Variants in PTK2B observed in about 807,000 individuals in gnomAD.
The protein encoded by PTK2B is protein-tyrosine kinase 2-beta.
A neutral mutation model predicts 142.9 loss-of-function variants in PTK2B; 71 were observed. The ratio of observed to expected loss-of-function variants is 0.50; its 90% CI spans 0.41 to 0.61. The LOEUF (loss-of-function observed/expected upper bound fraction) is 0.61. PTK2B is among the 20% of genes least tolerant of loss of function. The probability of loss-of-function intolerance (pLI) is 0.00; values close to 1 mark genes in which losing one functional copy is unlikely to be tolerated. For synonymous variants in PTK2B, 519 were observed against 503.4 expected (o/e 1.03, Z -0.42); for missense variants, 1,105 against 1,320.4 (o/e 0.84, Z 2.53).
intron 2 of PTK2B, among the ~76,000 whole-genome samples, chr8:27,408,490 A>G (rs1283094146): frequency 6.6e-6 from 1 of 152,268 alleles, no homozygotes; most frequent in African/African-American, 2.4e-5. Flanking sequence ...AAACCTAAGC[A>G]TAAAAATGGA....
At chr8:27,334,944 T>C (rs1433876820) in intron 1 of PTK2B, among the ~76,000 whole-genome samples, 1 of 152,194 alleles carries the variant, frequency 6.6e-6, no homozygotes, top group African/African-American at 2.4e-5. Context: ...CTCTCTAATC[T>C]CTGTGAGTCT....
At chr8:27,355,345 C>G (rs1563214971) in intron 1 of PTK2B, among the ~76,000 whole-genome samples, 1 of 151,968 alleles carries the variant, frequency 6.6e-6, no homozygotes, top group Non-Finnish European at 1.5e-5. Flanking sequence ...AGAAGAGAGA[C>G]AAGAGAGAGA....
At chr8:27,311,131 G>C (rs776598486), upstream of PTK2B, 2 of 1,602,624 alleles carry the variant, frequency 1.2e-6, no homozygotes, top group Admixed American at 3.4e-5. Flanking sequence ...TGTGGCCGCA[G>C]CGCAGAGTGA....
intron 1 of PTK2B, among the ~76,000 whole-genome samples, chr8:27,341,878 G>C (rs766516345): frequency 6.6e-6 from 1 of 152,054 alleles, no homozygotes; most frequent in African/African-American, 2.4e-5. Flanking sequence ...GTCTTGCTCT[G>C]TTGCCCAGGC....
At chr8:27,408,862 A>G (rs1268063079) in intron 2 of PTK2B, among the ~76,000 whole-genome samples, 1 of 152,222 alleles carries the variant, frequency 6.6e-6, no homozygotes, top group Non-Finnish European at 1.5e-5. Context: ...GTGATGTGAA[A>G]CAACAGAAAG....
In PTK2B at chr8:27,387,326, G is replaced by A. The variant is rs778087309; in HGVS notation, c.-37-10222G>A. ...GCAGCCTGCCTTGGGAGATATCAGT[G>A]AGGTAGCAAGGGTGCAAATGCTATG... On this transcript the variant is annotated intron_variant, in intron 1 of 30. Coordinates refer to ENST00000346049, the MANE Select transcript of PTK2B (RefSeq NM_173176.3). Among the ~76,000 whole-genome samples, 104 of 152,288 alleles carry A rather than the reference G, an allele frequency of 6.8e-4. 2 individuals carry two copies. Among genetic ancestry groups the A allele is most frequent in the Middle Eastern group, 3.4e-3 (1 of 294 alleles).
intron 1 of PTK2B, among the ~76,000 whole-genome samples, chr8:27,333,588 G>T (rs1049781515): frequency 4.6e-5 from 7 of 152,178 alleles, no homozygotes; most frequent in African/African-American, 1.7e-4. Flanking sequence ...GTTCTTTGAT[G>T]AATTTGAGAG....
At chr8:27,350,167 G>A (rs1347024593) in intron 1 of PTK2B, among the ~76,000 whole-genome samples, 1 of 152,184 alleles carries the variant, frequency 6.6e-6, no homozygotes, top group Non-Finnish European at 1.5e-5. Context: ...ATACTTCCAT[G>A]GTGGCTGTGT....
chr8:27,458,545 C>T lies in PTK2B; in HGVS notation c.*36C>T. ...GGGCCACCTGCCTGCGTCTTCCGCC[C>T]CTGCCTGCCATGTACCTCCCCTGCC... On this transcript the variant is annotated 3_prime_UTR_variant, in exon 31 of 31. Coordinates refer to ENST00000346049, the MANE Select transcript of PTK2B (RefSeq NM_173176.3). 1.3e-6 allele frequency: 2 copies of T among 1,541,848 alleles called. No homozygotes were observed. The highest frequency in any genetic ancestry group is 1.8e-6 in the Non-Finnish European group (2 of 1,141,820).
At chr8:27,346,866 T>C (rs1188826989) in intron 1 of PTK2B, among the ~76,000 whole-genome samples, 3 of 152,258 alleles carry the variant, frequency 2.0e-5, no homozygotes, top group African/African-American at 7.2e-5. Context: ...AAGCTCACGC[T>C]CCTTTGGTGC....
At chr8:27,431,619 G>A (rs892681749) in intron 9 of PTK2B, 147 bp downstream of exon 9, 2 of 968,382 alleles carry the variant, frequency 2.1e-6, no homozygotes, top group Non-Finnish European at 3.0e-6. Context: ...GGCGTGAGCA[G>A]CAGTGGAGAG....
intron 5 of PTK2B, among the ~76,000 whole-genome samples, chr8:27,426,066 TA>T (rs1810062969): frequency 6.6e-6 from 1 of 151,554 alleles, no homozygotes; most frequent in African/African-American, 2.4e-5. Flanking sequence ...AGCAGAGCCC[TA>T]AAACAACAGC....
Position 27,433,533 on chromosome 8 carries a change from C to T in PTK2B, c.1086C>T (p.Leu362=). The T allele has an allele frequency of 1.2e-6, 2 of 1,613,878 alleles. No individual in the cohort carries two copies. The highest frequency in any genetic ancestry group is 8.5e-7 in the Non-Finnish European group (1 of 1,179,736). Residue 362 remains leucine, a synonymous_variant, in exon 11 of 31, where the codon CTC becomes CTT. Coordinates refer to ENST00000346049, the MANE Select transcript of PTK2B (RefSeq NM_173176.3). ...TGCAGGGTGAGCACCAAGGCTCTCT[C>T]ATCATCCATCCTAGGAAAGGTGGGT... ...CRLQGEHQGS[L]IIHPRKDGEK... is the part of the protein sequence containing the mutation.
intron 1 of PTK2B, among the ~76,000 whole-genome samples, chr8:27,339,551 G>A (rs1485629507): frequency 6.6e-6 from 1 of 152,232 alleles, no homozygotes; most frequent in Non-Finnish European, 1.5e-5. Context: ...GGTAAGAAAG[G>A]AAGCTGTGGC....
At chr8:27,456,151 T>C (rs1812128099) in intron 30 of PTK2B, among the ~76,000 whole-genome samples, 1 of 152,252 alleles carries the variant, frequency 6.6e-6, no homozygotes. Context: ...TGTAAATACC[T>C]CTTGAGCACC....
chr8:27,387,491 C>T (rs1224870394), intron 1 of PTK2B, among the ~76,000 whole-genome samples: 1 of 152,212 alleles, frequency 6.6e-6, no homozygotes, highest in African/African-American at 2.4e-5. Context: ...AACCAGCAAT[C>T]CATCCTGCGT....
At chr8:27,447,003 G>A (rs1212777803) in intron 24 of PTK2B, among the ~76,000 whole-genome samples, 2 of 152,076 alleles carry the variant, frequency 1.3e-5, no homozygotes, top group Non-Finnish European at 2.9e-5. Flanking sequence ...TATAATTTAG[G>A]CTGTGTTCGG....
intron 1 of PTK2B, among the ~76,000 whole-genome samples, chr8:27,364,922 C>T (rs146047068): frequency 6.8e-4 from 104 of 152,326 alleles, no homozygotes; most frequent in Non-Finnish European, 1.3e-3. Context: ...CCCAGGGTTT[C>T]TTCCTGCAAA....
chr8:27,447,970 C>T (rs541109993), intron 24 of PTK2B, among the ~76,000 whole-genome samples: 1 of 152,366 alleles, frequency 6.6e-6, no homozygotes, highest in East Asian at 1.9e-4. Context: ...GCTTTCAAAG[C>T]GCTTACAGTC....
Sources: allele counts gnomAD v4.1 joint callset (sites outside exome capture counted in the v4.1 genomes callset), GRCh38; gene constraint gnomAD v4.1.1; transcripts MANE v1.5; gene names NCBI Gene and HGNC (gene_info 2026-07-23, HGNC 2026-07-21).